CCSER1: variants seen among roughly 807,000 people sequenced by gnomAD.
CCSER1 encodes coiled-coil serine rich protein 1.
In CCSER1, 41 loss-of-function variants were observed where a neutral mutation model predicts 82.0. That is an observed-to-expected ratio of 0.50 (90% confidence interval 0.39 to 0.65). The LOEUF (loss-of-function observed/expected upper bound fraction) is 0.65. CCSER1 is among the 30% of genes least tolerant of loss of function. The pLI, the probability that CCSER1 is intolerant of heterozygous loss-of-function variation, is 0.00. For synonymous variants in CCSER1, 414 were observed against 383.9 expected (o/e 1.08, Z -0.92); for missense variants, 1,119 against 1,064.2 (o/e 1.05, Z -0.72).
chr4:90,708,077 C>T (rs1403331216), intron 6 of CCSER1, among the ~76,000 whole-genome samples: 2 of 152,244 alleles, frequency 1.3e-5, no homozygotes, highest in African/African-American at 4.8e-5. Flanking sequence ...CCTCCTGAGG[C>T]TCTGTGTTTT....
intron 3 of CCSER1, among the ~76,000 whole-genome samples, chr4:90,358,816 G>A (rs1744785774): frequency 6.6e-6 from 1 of 152,074 alleles, no homozygotes; most frequent in Non-Finnish European, 1.5e-5. Flanking sequence ...TCTATTGGTT[G>A]GGATGCCAGT....
intron 3 of CCSER1, among the ~76,000 whole-genome samples, chr4:90,317,307 C>G (rs1736339139): frequency 6.6e-6 from 1 of 152,140 alleles, no homozygotes; most frequent in Non-Finnish European, 1.5e-5. Context: ...TCAGGATAAA[C>G]TTGGCTAAGT....
At chr4:90,415,636 T>C (rs1254228131) in intron 4 of CCSER1, among the ~76,000 whole-genome samples, 2 of 152,232 alleles carry the variant, frequency 1.3e-5, no homozygotes, top group Non-Finnish European at 1.5e-5. Flanking sequence ...ACTGGTTAAA[T>C]ATTAAGCAAT....
In CCSER1 at chr4:91,275,816, C is replaced by T. The variant is rs766514465; in HGVS notation, c.2217+189822C>T. ...AGCTTTTAGATTTAAGTCTTTAAAC[C>T]GTCTTGAGTTGATTTTTGTAGATGG... On this transcript the variant is annotated intron_variant, in intron 10 of 10. Coordinates refer to ENST00000509176, the MANE Select transcript of CCSER1 (RefSeq NM_001145065.2). Among the ~76,000 whole-genome samples, 52 of 151,960 alleles carry T rather than the reference C, an allele frequency of 3.4e-4. 1 individual carries two copies. Among genetic ancestry groups the T allele is most frequent in the African/African-American group, 1.2e-3 (50 of 41,366 alleles).
chr4:91,323,678 A>G (rs1746352730), intron 10 of CCSER1, among the ~76,000 whole-genome samples: 2 of 152,164 alleles, frequency 1.3e-5, no homozygotes, highest in Non-Finnish European at 2.9e-5. Flanking sequence ...ACTTTGAACA[A>G]TCTAAGAAGT....
chr4:90,462,057 C>A (rs1211616972), intron 4 of CCSER1, among the ~76,000 whole-genome samples: 2 of 149,358 alleles, frequency 1.3e-5, no homozygotes, highest in African/African-American at 2.6e-5. Context: ...TCTTTTTTTT[C>A]ATTTCTTCTT....
intron 10 of CCSER1, among the ~76,000 whole-genome samples, chr4:91,156,732 TC>T (rs1380611105): frequency 2.0e-5 from 3 of 151,882 alleles, no homozygotes; most frequent in African/African-American, 4.8e-5. Flanking sequence ...TTGCATGTTT[TC>T]TGTCTTCTCT....
At position 91,293,994 on chromosome 4, in the gene CCSER1, C is replaced by CT. The variant is rs1016696050; in HGVS notation, c.2217+208009dup. Among the ~76,000 whole-genome samples, 103 of 150,870 alleles carry CT rather than the reference C, an allele frequency of 6.8e-4. No homozygotes were observed. In the East Asian group the frequency reaches 0.013, roughly 18 times the overall value. ...CTTCCTTTTCATCCTCCCCAGCCCT[C>CT]TTTTTTTTTATTCCTTCATTCTACA... On this transcript the variant is annotated intron_variant, in intron 10 of 10. Transcript: ENST00000509176.
At chr4:91,046,042 AATGTC>A (rs1742448060) in intron 9 of CCSER1, among the ~76,000 whole-genome samples, 2 of 151,992 alleles carry the variant, frequency 1.3e-5, no homozygotes, top group South Asian at 4.1e-4. Flanking sequence ...TTCACAAGGT[AATGTC>A]ATCAGTTAAG....
At chr4:90,344,836 G>A (rs1041482684) in intron 3 of CCSER1, among the ~76,000 whole-genome samples, 1 of 151,878 alleles carries the variant, frequency 6.6e-6, no homozygotes. Context: ...AATAAAATGA[G>A]GATAACTTCA....
chr4:91,148,690 T>G (rs1729800017), intron 10 of CCSER1, among the ~76,000 whole-genome samples: 1 of 152,144 alleles, frequency 6.6e-6, no homozygotes, highest in Non-Finnish European at 1.5e-5. Context: ...TGTGTCCAAA[T>G]GTTCTCATTG....
intron 6 of CCSER1, among the ~76,000 whole-genome samples, chr4:90,714,001 A>G (rs941603989): frequency 7.9e-5 from 12 of 151,742 alleles, no homozygotes; most frequent in Non-Finnish European, 2.9e-5. Flanking sequence ...ATTTCTCTCT[A>G]AGTCCTTCTA....
intron 1 of CCSER1, among the ~76,000 whole-genome samples, chr4:90,138,509 C>G (rs1286940728): frequency 3.9e-5 from 6 of 152,178 alleles, no homozygotes; most frequent in Non-Finnish European, 1.5e-5. Context: ...ATAGCCAACA[C>G]TGGCTAAAAT....
At chr4:91,078,199 G>T (rs1722236951) in intron 9 of CCSER1, among the ~76,000 whole-genome samples, 1 of 152,152 alleles carries the variant, frequency 6.6e-6, no homozygotes, top group South Asian at 2.1e-4. Context: ...CCCAGTAGGG[G>T]CCTACTAACA....
chr4:90,376,901 A>C lies in CCSER1; in HGVS notation c.1510-23135A>C, dbSNP rs1255865454. 2.0e-5 allele frequency among the ~76,000 whole-genome samples: 3 copies of C among 152,164 alleles called. No homozygotes were observed. The East Asian group carries it at 5.8e-4, about 29-fold the overall frequency. On this transcript the variant is annotated intron_variant, in intron 3 of 10. Transcript: ENST00000509176. ...TGAACAGACTTTGAAGGTAGAGATA[A>C]TGTCTCCTTCCAGAATGAACAGCAG... is the stretch of plus-strand genomic sequence containing the variant.
At chr4:91,328,878 C>A (rs994688332) in intron 10 of CCSER1, among the ~76,000 whole-genome samples, 2 of 152,106 alleles carry the variant, frequency 1.3e-5, no homozygotes, top group East Asian at 1.9e-4. Flanking sequence ...CAGTTTCCCC[C>A]CTACTGTTCT....
At chr4:90,212,478 A>T (rs906223869) in intron 1 of CCSER1, among the ~76,000 whole-genome samples, 1 of 152,134 alleles carries the variant, frequency 6.6e-6, no homozygotes, top group Non-Finnish European at 1.5e-5. Context: ...TAAAATGGTG[A>T]CCCATCTCTT....
At chr4:91,183,714 T>G (rs1439583679) in intron 10 of CCSER1, among the ~76,000 whole-genome samples, 1 of 152,208 alleles carries the variant, frequency 6.6e-6, no homozygotes, top group African/African-American at 2.4e-5. Context: ...AGTAGGTGAA[T>G]GCTGAGTTGA....
At chr4:90,258,586 G>T (rs544493985) in intron 1 of CCSER1, among the ~76,000 whole-genome samples, 1 of 152,072 alleles carries the variant, frequency 6.6e-6, no homozygotes, top group South Asian at 2.1e-4. Context: ...GTATAATAAT[G>T]TTAAAATACA....
Sources: gnomAD v4.1 joint callset for allele counts (sites outside exome capture counted in the v4.1 genomes callset) on GRCh38, gnomAD v4.1.1 for gene constraint, MANE v1.5 for transcripts, NCBI Gene and HGNC (gene_info 2026-07-23, HGNC 2026-07-21) for gene names.